Variants in P2RY8 observed in about 807,000 individuals in gnomAD.
P2RY8 encodes P2Y receptor family member 8, also known as S-geranylgeranyl-glutathione receptor P2RY8.
A neutral mutation model predicts 10.0 loss-of-function variants in P2RY8; 6 were observed. That is an observed-to-expected ratio of 0.60 (90% confidence interval 0.33 to 1.19). P2RY8 has a LOEUF of 1.19. P2RY8 is among the 50% of genes most tolerant of loss of function. The probability of loss-of-function intolerance (pLI) is 0.04; values close to 1 mark genes in which losing one functional copy is unlikely to be tolerated. For synonymous variants in P2RY8, 276 were observed against 252.5 expected, an observed-to-expected ratio of 1.09 and a Z score of -0.88; for missense variants, 456 against 542.0, an observed-to-expected ratio of 0.84 and a Z score of 1.58.
rs138661265 is a variant in P2RY8 at position 1,469,831 on chromosome X, G to A, written c.-24-3249C>T. Among the ~76,000 whole-genome samples, 771 of 151,984 alleles carry A rather than the reference G, an allele frequency of 5.1e-3. 8 individuals are homozygous for A. The highest frequency in any genetic ancestry group is 0.018 in the African/African-American group (746 of 41,448). ...GGAGAATGGCCTGAACCCGGGAGGCGGAGCTTGCAGTGAGCCGAGATCGCA... is the reference window on the plus strand; with the variant it reads ...GGAGAATGGCCTGAACCCGGGAGGCAGAGCTTGCAGTGAGCCGAGATCGCA... On this transcript the variant is annotated intron_variant, in intron 1 of 1. Transcript: ENST00000381297.
intron 1 of P2RY8, among the ~76,000 whole-genome samples, chrX:1,531,630 G>T: frequency 6.6e-6 from 1 of 152,100 alleles, no homozygotes. Context: ...CAGCCATGGA[G>T]AGTCTCATAG....
chrX:1,535,015 C>G (rs1253145278), intron 1 of P2RY8, among the ~76,000 whole-genome samples: 21 of 151,868 alleles, frequency 1.4e-4, no homozygotes, highest in African/African-American at 4.8e-4. Flanking sequence ...TGCCCACCGT[C>G]CCGTACGTCC....
intron 1 of P2RY8, among the ~76,000 whole-genome samples, chrX:1,531,450 C>T (rs755234407): frequency 6.6e-6 from 1 of 152,238 alleles, no homozygotes; most frequent in African/African-American, 2.4e-5. Flanking sequence ...ATGTCCAGGC[C>T]CCCTCCCAGC....
intron 1 of P2RY8, among the ~76,000 whole-genome samples, chrX:1,533,096 G>T (rs1333862814): frequency 6.6e-6 from 1 of 150,480 alleles, no homozygotes; most frequent in Non-Finnish European, 1.5e-5. Flanking sequence ...AAAGATTGGG[G>T]AGAGGATGAG....
chrX:1,487,372 G>GT (rs1473670323), intron 1 of P2RY8, among the ~76,000 whole-genome samples: 7 of 152,078 alleles, frequency 4.6e-5, no homozygotes, highest in African/African-American at 1.4e-4. Flanking sequence ...GTTTGCAAAC[G>GT]TTTTTTTGTG....
chrX:1,491,793 AAATGAATG>A (rs770613275), intron 1 of P2RY8, among the ~76,000 whole-genome samples: 5 of 150,276 alleles, frequency 3.3e-5, no homozygotes, highest in Non-Finnish European at 6.0e-5. Flanking sequence ...GCAAATGAGT[AAATGAATG>A]AATGAATGAA....
intron 1 of P2RY8, among the ~76,000 whole-genome samples, chrX:1,492,064 C>T (rs1295786000): frequency 6.6e-6 from 1 of 152,198 alleles, no homozygotes; most frequent in Non-Finnish European, 1.5e-5. Context: ...GTGCACCCAG[C>T]ACCCCTCGCC....
At chrX:1,511,148 C>T (rs113079816) in intron 1 of P2RY8, among the ~76,000 whole-genome samples, 31,242 of 151,958 alleles carry the variant, frequency 0.21, 3,699 homozygotes, top group Middle Eastern at 0.36. Context: ...CCACTGCACT[C>T]CAGCCTGGGC....
Position 1,465,760 on chromosome X carries a change from A to G in P2RY8, c.799T>C (p.Tyr267His). The G allele has an allele frequency of 6.2e-7, 1 of 1,613,626 alleles. No individual in the cohort carries two copies. The highest frequency in any genetic ancestry group is 8.5e-7 in the Non-Finnish European group (1 of 1,179,836). Reference protein sequence around the residue: ...LLAHIVSRLFYGKSYYHVYKL... With the variant: ...LLAHIVSRLFHGKSYYHVYKL... ...TACACGTGGTAGTAGCTCTTGCCGT[A>G]GAACAGGCGGCTCACGATGTGCGCC... is the stretch of plus-strand genomic sequence containing the variant. The change falls in exon 2 of 2, where the codon TAC becomes CAC. Residue 267 changes from tyrosine to histidine, a missense_variant. Physicochemically the swap from Tyr to His is moderately conservative, Grantham distance 83. Coordinates refer to ENST00000381297, the MANE Select transcript of P2RY8 (RefSeq NM_178129.5).
intron 1 of P2RY8, among the ~76,000 whole-genome samples, chrX:1,469,356 A>G (rs1167364628): frequency 1.3e-4 from 19 of 151,432 alleles, no homozygotes; most frequent in South Asian, 6.3e-4. Flanking sequence ...AGCCCCAAAA[A>G]GAGTTTCACC....
intron 1 of P2RY8, among the ~76,000 whole-genome samples, chrX:1,530,145 GTATGTATGTATGATC>G (rs1417214745): frequency 0.18 from 2,664 of 14,700 alleles, 87 homozygotes; most frequent in Admixed American, 0.2. Flanking sequence ...ATGTATGTAT[GTATGTATGTATGATC>G]TATCTATCTA....
intron 1 of P2RY8, among the ~76,000 whole-genome samples, chrX:1,536,018 C>T (rs1273839271): frequency 6.6e-6 from 1 of 152,118 alleles, no homozygotes; most frequent in African/African-American, 2.4e-5. Context: ...GAGGGGCCAC[C>T]GTGCTCATCC....
chrX:1,465,680 A>G lies in P2RY8; in HGVS notation c.879T>C (p.Tyr293=). ...CLNNCLDPFV[Y]YFASREFQLR... ...GCTGGAATTCCCGGGACGCAAAGTAATAAACAAACGGGTCCAGACAGTTGT... is the reference window on the plus strand; with the variant it reads ...GCTGGAATTCCCGGGACGCAAAGTAGTAAACAAACGGGTCCAGACAGTTGT... Residue 293 remains tyrosine, a synonymous_variant, in exon 2 of 2, where the codon TAT becomes TAC. Transcript: ENST00000381297. 1 of 1,613,668 alleles carries G rather than the reference A, an allele frequency of 6.2e-7. No individual in the cohort carries two copies. The highest frequency in any genetic ancestry group is 1.1e-5 in the South Asian group (1 of 91,078).
At chrX:1,475,057 G>A (rs1265058222) in intron 1 of P2RY8, among the ~76,000 whole-genome samples, 2 of 144,982 alleles carry the variant, frequency 1.4e-5, no homozygotes, top group Non-Finnish European at 3.0e-5. Flanking sequence ...ATGGATAGAC[G>A]GGTGGATGGA....
At position 1,465,060 on chromosome X, in the gene P2RY8, A is replaced by C; in HGVS notation, c.*419T>G. 3.8e-6 allele frequency: 1 copy of C among 262,436 alleles called. No homozygotes were observed. Among genetic ancestry groups the C allele is most frequent in the Non-Finnish European group, 7.3e-6 (1 of 136,940 alleles). The allele number at this position is 262,436 out of a possible 1,614,324, so 16.3% of individuals were successfully genotyped here. ...AGGATATCCAGAAACCGAGTCGGGTAGGCGGTGGGGCTGGTTGAATATCCA... is the reference window on the plus strand; with the variant it reads ...AGGATATCCAGAAACCGAGTCGGGTCGGCGGTGGGGCTGGTTGAATATCCA... On this transcript the variant is annotated 3_prime_UTR_variant, in exon 2 of 2. Transcript: ENST00000381297.
chrX:1,496,759 G>A (rs62603017), intron 1 of P2RY8, among the ~76,000 whole-genome samples: 34,435 of 128,682 alleles, frequency 0.27, 5,018 homozygotes, highest in Middle Eastern at 0.36. Context: ...GTGCAGTAGC[G>A]CGATGTCGGC....
At chrX:1,499,628 A>G (rs2092154878) in intron 1 of P2RY8, among the ~76,000 whole-genome samples, 1 of 152,222 alleles carries the variant, frequency 6.6e-6, no homozygotes, top group Non-Finnish European at 1.5e-5. Context: ...GAAATGTGTC[A>G]TTAGGTGAAA....
At chrX:1,497,818 G>C (rs2092132434) in intron 1 of P2RY8, among the ~76,000 whole-genome samples, 1 of 152,042 alleles carries the variant, frequency 6.6e-6, no homozygotes. Flanking sequence ...GGCGGCGAGG[G>C]GCTTGTTGGG....
At chrX:1,475,719 T>A (rs1412924027) in intron 1 of P2RY8, among the ~76,000 whole-genome samples, 1 of 152,102 alleles carries the variant, frequency 6.6e-6, no homozygotes. Context: ...CCAATGGGCC[T>A]CAGAAACTCA....
Sources: allele counts gnomAD v4.1 joint callset (sites outside exome capture counted in the v4.1 genomes callset), GRCh38; gene constraint gnomAD v4.1.1; transcripts MANE v1.5; gene names NCBI Gene and HGNC (gene_info 2026-07-23, HGNC 2026-07-21).